BIRC6: variants seen among roughly 807,000 people sequenced by gnomAD.
BIRC6 encodes baculoviral IAP repeat containing 6, also known as dual E2 ubiquitin-conjugating enzyme/E3 ubiquitin-protein ligase BIRC6.
Under a neutral mutation model 503.3 loss-of-function variants are expected in BIRC6, and 98 were observed. The ratio of observed to expected loss-of-function variants is 0.19; its 90% CI spans 0.17 to 0.23. BIRC6 has a LOEUF of 0.23. Ranked by LOEUF, BIRC6 falls within the 10% of genes least tolerant of loss-of-function variation. The pLI, the probability that BIRC6 is intolerant of heterozygous loss-of-function variation, is 1.00. For synonymous variants in BIRC6, 2,240 were observed against 2,078.7 expected (o/e 1.08, Z -2.11); for missense variants, 5,360 against 5,806.0 (o/e 0.92, Z 2.50).
At chr2:32,549,142 C>A in intron 64 of BIRC6, 171 bp from the exon 65 acceptor site, 1 of 451,360 alleles carries the variant, frequency 2.2e-6, no homozygotes, top group Non-Finnish European at 3.8e-6. Flanking sequence ...TCAGACAAAA[C>A]AGATCCTTCT....
At position 32,357,057 on chromosome 2, in the gene BIRC6, T is replaced by TCCCTCCGAGTTTGGC; in HGVS notation, c.-97_-83dup. The TCCCTCCGAGTTTGGC allele has an allele frequency of 9.9e-7, 1 of 1,006,588 alleles. No individual in the cohort carries two copies. 62.4% of individuals were successfully genotyped at this position (1,006,588 alleles called of 1,614,324 possible). A position where few individuals can be genotyped will look rare whatever the true frequency, so the allele number is the denominator to read the frequency against. ...TGCTTCTCCCCCTCTCCCGTCAGCC[T>TCCCTCCGAGTTTGGC]CCCTCCGAGTTTGGCCCCTCCGGCC... On this transcript the variant is annotated 5_prime_UTR_variant, in exon 1 of 74. Transcript: ENST00000421745. The surrounding 1 kb of genome is among the most constrained non-coding windows in gnomAD (Gnocchi z 4.9).
chr2:32,580,717 C>G (rs1169771140), intron 66 of BIRC6, among the ~76,000 whole-genome samples: 1 of 152,182 alleles, frequency 6.6e-6, no homozygotes, highest in Non-Finnish European at 1.5e-5. Flanking sequence ...AAGAGACTTT[C>G]ATCTGTTTTG....
rs946570178 is a variant in BIRC6 at position 32,435,733 on chromosome 2, A to G, written c.3499+148A>G. 1.0e-5 allele frequency: 9 copies of G among 880,036 alleles called. No homozygotes were observed. The African/African-American group carries it at 1.5e-4, about 15-fold the overall frequency. 54.5% of individuals were successfully genotyped at this position (880,036 alleles called of 1,614,324 possible). On this transcript the variant is annotated intron_variant, in intron 14 of 73. Transcript: ENST00000421745. ...TAACCTATAATTCTGCTTTGGCAAT[A>G]TGCTTTAACTTTCAGCTCATCTTTT... is the stretch of plus-strand genomic sequence containing the variant.
intron 10 of BIRC6, among the ~76,000 whole-genome samples, chr2:32,426,290 ACATTT>A (rs1195491036): frequency 1.1e-4 from 16 of 152,254 alleles, no homozygotes; most frequent in Non-Finnish European, 7.3e-5. Flanking sequence ...CCCATACATT[ACATTT>A]AAGTATGTTA....
chr2:32,412,439 A>G (rs898403179), intron 9 of BIRC6, among the ~76,000 whole-genome samples: 5 of 152,038 alleles, frequency 3.3e-5, no homozygotes, highest in Admixed American at 6.6e-5. Context: ...AGAGGTTGCA[A>G]TGAGCTGAGA....
chr2:32,499,700 A>T lies in BIRC6; in HGVS notation c.8622A>T (p.Ser2874=). Reference sequence around the variant, plus strand: ...TAGTGCACCACTATATCACTTGCTCAGACAAAGTAATGTCAAGAAGTGGAT... The same window carrying T: ...TAGTGCACCACTATATCACTTGCTCTGACAAAGTAATGTCAAGAAGTGGAT... ...TFLVHHYITC[S]DKVMSRSGSD... Residue 2874 remains serine, a synonymous_variant, in exon 46 of 74, where the codon TCA becomes TCT. Coordinates refer to ENST00000421745, the MANE Select transcript of BIRC6 (RefSeq NM_016252.4). The T allele has an allele frequency of 6.2e-7, 1 of 1,614,030 alleles. No individual in the cohort carries two copies. The highest frequency in any genetic ancestry group is 2.2e-5 in the East Asian group (1 of 44,894).
At chr2:32,455,863 T>C (rs2047206781) in intron 23 of BIRC6, among the ~76,000 whole-genome samples, 1 of 152,198 alleles carries the variant, frequency 6.6e-6, no homozygotes, top group South Asian at 2.1e-4. Flanking sequence ...AAAATGAAAC[T>C]GCCTAAAGAG....
chr2:32,412,596 C>T (rs1338948809), intron 9 of BIRC6, among the ~76,000 whole-genome samples: 1 of 151,246 alleles, frequency 6.6e-6, no homozygotes, highest in East Asian at 1.9e-4. Context: ...GCAGATAATA[C>T]AGAAGACACT....
At chr2:32,558,056 T>C (rs1413536731) in intron 65 of BIRC6, among the ~76,000 whole-genome samples, 1 of 152,202 alleles carries the variant, frequency 6.6e-6, no homozygotes, top group African/African-American at 2.4e-5. Flanking sequence ...ATGTATTTAT[T>C]ATACATGTTG....
chr2:32,367,680 G>A (rs1337462614), intron 1 of BIRC6, among the ~76,000 whole-genome samples: 1 of 151,332 alleles, frequency 6.6e-6, no homozygotes, highest in African/African-American at 2.4e-5. Flanking sequence ...GCTGGGTGTG[G>A]TGGTGTACAC....
intron 67 of BIRC6, among the ~76,000 whole-genome samples, chr2:32,594,821 G>A (rs2061583531): frequency 6.6e-6 from 1 of 152,084 alleles, no homozygotes; most frequent in Non-Finnish European, 1.5e-5. Context: ...AGATGATTAT[G>A]TTTTTGCTTT....
chr2:32,482,693 G>A (rs1187533575), intron 39 of BIRC6, 111 bp downstream of exon 39: 1 of 1,151,424 alleles, frequency 8.7e-7, no homozygotes, highest in Admixed American at 2.2e-5. Flanking sequence ...AGTGGGTTTA[G>A]TATCACAGCT....
At chr2:32,381,081 A>G (rs1484538437) in intron 3 of BIRC6, among the ~76,000 whole-genome samples, 3 of 152,182 alleles carry the variant, frequency 2.0e-5, no homozygotes, top group Non-Finnish European at 4.4e-5. Context: ...TCTAAGTTAT[A>G]CTGCATATCA....
chr2:32,374,504 ACT>A (rs2036442285), intron 1 of BIRC6, among the ~76,000 whole-genome samples: 1 of 141,558 alleles, frequency 7.1e-6, no homozygotes, highest in African/African-American at 2.7e-5. Context: ...ACGGAGTCTC[ACT>A]CTGTCGCCCA....
intron 46 of BIRC6, among the ~76,000 whole-genome samples, chr2:32,500,772 A>AT (rs1321032729): frequency 2.6e-5 from 4 of 151,716 alleles, no homozygotes; most frequent in South Asian, 2.1e-4. Flanking sequence ...GGCCTGGCTG[A>AT]TTTTTTGTAT....
chr2:32,522,881 T>A (rs1195699940), intron 57 of BIRC6: 1 of 152,200 alleles, frequency 6.6e-6, no homozygotes, highest in Non-Finnish European at 1.5e-5. Context: ...TAGATGCAAA[T>A]CTGCATAGAT....
intron 53 of BIRC6, among the ~76,000 whole-genome samples, chr2:32,510,947 TG>T (rs2054324601): frequency 6.6e-6 from 1 of 152,202 alleles, no homozygotes; most frequent in South Asian, 2.1e-4. Flanking sequence ...TGTAAAGTGA[TG>T]GTATCAGAGT....
intron 16 of BIRC6, among the ~76,000 whole-genome samples, chr2:32,440,228 G>A (rs2045260154): frequency 6.6e-6 from 1 of 151,880 alleles, no homozygotes. Flanking sequence ...TACTGAATAG[G>A]GAGTAATTGT....
rs2054285562 is a variant in BIRC6 at position 32,510,537 on chromosome 2, C to G, written c.10249C>G (p.Pro3417Ala). The G allele has an allele frequency of 1.9e-6, 3 of 1,591,122 alleles. No homozygotes were observed. The highest frequency in any genetic ancestry group is 2.6e-6 in the Non-Finnish European group (3 of 1,159,852). Residue 3417 changes from proline (P) to alanine (A), a missense_variant, in exon 53 of 74, where the codon CCT (proline) becomes GCT (alanine). Transcript: ENST00000421745. The stretch of plus-strand genomic sequence containing the variant: ...TTCTTTGTTGCAAGATTTGAATAGT[C>G]CTTTACTTTTTGGAAGACTAAATGG... ...SGSDPTDLNSPLLFGRLNGLS... is the reference protein window; with the variant it reads ...SGSDPTDLNSALLFGRLNGLS...
Sources: allele counts gnomAD v4.1 joint callset (sites outside exome capture counted in the v4.1 genomes callset), GRCh38; gene constraint gnomAD v4.1.1; non-coding constraint Gnocchi (gnomAD v3.1); transcripts MANE v1.5; gene names NCBI Gene and HGNC (gene_info 2026-07-23, HGNC 2026-07-21).